Variants in ADCYAP1 observed in about 807,000 individuals in gnomAD.
The protein encoded by ADCYAP1 is pituitary adenylate cyclase-activating polypeptide.
A neutral mutation model predicts 18.5 loss-of-function variants in ADCYAP1; 6 were observed. The ratio of observed to expected loss-of-function variants is 0.32; its 90% confidence interval spans 0.18 to 0.64. The LOEUF (loss-of-function observed/expected upper bound fraction) is 0.64. Ranked by LOEUF, ADCYAP1 falls within the 30% of genes least tolerant of loss-of-function variation. ADCYAP1 has a pLI of 0.77. For synonymous variants in ADCYAP1, 136 were observed against 113.9 expected (o/e 1.19, Z -1.24); for missense variants, 314 against 253.6 (o/e 1.24, Z -1.62).
rs1909390534 is a variant in ADCYAP1, at chr18:911,583, A to G, written c.*1948A>G. 2 of 152,216 alleles carry G rather than the reference A, an allele frequency of 1.3e-5. No individual in the cohort carries two copies. The highest frequency in any genetic ancestry group is 2.9e-5 in the Non-Finnish European group (2 of 68,048). The allele number at this position is 152,216 out of a possible 1,614,324, so 9.4% of individuals were successfully genotyped here. On this transcript the variant is annotated 3_prime_UTR_variant, in exon 5 of 5. Transcript: ENST00000450565. The stretch of plus-strand genomic sequence containing the variant: ...GCTGCCAGGAGATCACATTGCAAAT[A>G]GTGAAAACAGAGGCATTCGGTCTAT...
Position 911,374 on chromosome 18 carries a change from T to C in ADCYAP1, c.*1739T>C, listed in dbSNP as rs1909380720. 3.5e-5 allele frequency: 1 copy of C among 28,492 alleles called. No individual in the cohort carries two copies. Among genetic ancestry groups the C allele is most frequent in the Admixed American group, 5.6e-4 (1 of 1,800 alleles). The allele number at this position is 28,492 out of a possible 1,614,324, so 1.8% of individuals were successfully genotyped here. A position where few individuals can be genotyped will look rare whatever the true frequency, so the allele number is the denominator to read the frequency against. On this transcript the variant is annotated 3_prime_UTR_variant, in exon 5 of 5. Transcript: ENST00000450565. ...TCCCAAATTTCAGGCACAAGTTTAT[T>C]TATTTATTTTTTTATGTTTTGAAAA...
Position 909,621 on chromosome 18 carries a change from A to G in ADCYAP1, c.517A>G (p.Ile173Val). ...AAGGGTTAAAAACAAAGGACGCCGA[A>G]TAGCTTATTTGTAGCGATGGGTTAC... is the stretch of plus-strand genomic sequence containing the variant. ...KQRVKNKGRR[I>V]AYL Residue 173 changes from isoleucine (I) to valine (V), a missense_variant, in exon 5 of 5, where the codon ATA becomes GTA. Transcript: ENST00000450565. 1.9e-6 allele frequency: 3 copies of G among 1,613,794 alleles called. No homozygotes were observed. The highest frequency in any genetic ancestry group is 1.7e-6 in the Non-Finnish European group (2 of 1,179,794).
In ADCYAP1 at chr18:904,908, C is replaced by T; in HGVS notation, c.-154C>T. 1.6e-6 allele frequency: 2 copies of T among 1,289,628 alleles called. No homozygotes were observed. The highest frequency in any genetic ancestry group is 2.0e-6 in the Non-Finnish European group (2 of 988,978). The allele number at this position is 1,289,628 out of a possible 1,614,324, so 79.9% of individuals were successfully genotyped here. ...TCGGCAAACGAGTCCCGCAGCTCCT[C>T]CTGCTGCTCCCGCTGGTTCCTGCGG... is the stretch of plus-strand genomic sequence containing the variant. On this transcript the variant is annotated 5_prime_UTR_variant, in exon 1 of 5. Transcript: ENST00000450565.
At position 908,297 on chromosome 18, in the gene ADCYAP1, A is replaced by G; in HGVS notation, c.275A>G (p.Tyr92Cys). Residue 92 changes from tyrosine (Y) to cysteine (C), a missense_variant, in exon 4 of 5, where the codon TAC becomes TGC. Transcript: ENST00000450565. ...GCCCACGGGATCCTTAACGAGGCCT[A>G]CCGCAAAGTGCTGGACCAGCTGTCC... ...DVAHGILNEAYRKVLDQLSAG... is the reference protein window; with the variant it reads ...DVAHGILNEACRKVLDQLSAG... The G allele has an allele frequency of 1.9e-6, 3 of 1,613,042 alleles. No individual in the cohort carries two copies. Among genetic ancestry groups the G allele is most frequent in the Admixed American group, 1.7e-5 (1 of 59,954 alleles).
intron 2 of ADCYAP1, among the ~76,000 whole-genome samples, chr18:907,190 T>C (rs1909199249): frequency 6.6e-6 from 1 of 152,184 alleles, no homozygotes; most frequent in East Asian, 1.9e-4. Flanking sequence ...GCTGAGGAGT[T>C]GGCCCCCGCA....
chr18:909,414 C>T (rs1436470671), intron 4 of ADCYAP1, 32 bp from the exon 5 acceptor site: 5 of 1,594,720 alleles, frequency 3.1e-6, no homozygotes, highest in Non-Finnish European at 4.3e-6. Context: ...TCTCCCGCCC[C>T]GCCACCCTCT....
At position 909,903 on chromosome 18, in the gene ADCYAP1, TATA is replaced by T. The variant is rs1183431310; in HGVS notation, c.*270_*272del. 1.2e-4 allele frequency: 14 copies of T among 118,170 alleles called. No homozygotes were observed. Among genetic ancestry groups the T allele is most frequent in the South Asian group, 1.1e-3 (4 of 3,658 alleles). 7.3% of individuals were successfully genotyped at this position (118,170 alleles called of 1,614,324 possible). A position where few individuals can be genotyped will look rare whatever the true frequency, so the allele number is the denominator to read the frequency against. ...ATATATATATATATATATATATATA[TATA>T]AAGTATAGAGAGAAGTTCATACAAA... On this transcript the variant is annotated 3_prime_UTR_variant, in exon 5 of 5. Transcript: ENST00000450565.
chr18:905,895 C>T (rs907540930), intron 2 of ADCYAP1: 1 of 232,968 alleles, frequency 4.3e-6, no homozygotes, highest in African/African-American at 2.3e-5. Context: ...GCGTGAAGCT[C>T]CCTCGGACTT....
At chr18:909,354 C>A in intron 4 of ADCYAP1, 92 bp from the exon 5 acceptor site, 2 of 1,310,202 alleles carry the variant, frequency 1.5e-6, no homozygotes, top group Non-Finnish European at 2.1e-6. Context: ...TCCCCGAAGG[C>A]TCCCGCGTGG....
At position 909,873 on chromosome 18, in the gene ADCYAP1, A is replaced by AATATATATATATAT. The variant is rs35018620; in HGVS notation, c.*258_*271dup. 15 of 143,420 alleles carry AATATATATATATAT rather than the reference A, an allele frequency of 1.0e-4. No homozygotes were observed. Among genetic ancestry groups the AATATATATATATAT allele is most frequent in the South Asian group, 6.8e-4 (3 of 4,390 alleles). 8.9% of individuals were successfully genotyped at this position (143,420 alleles called of 1,614,324 possible). A position where few individuals can be genotyped will look rare whatever the true frequency, so the allele number is the denominator to read the frequency against. On this transcript the variant is annotated 3_prime_UTR_variant, in exon 5 of 5. Coordinates refer to ENST00000450565, the MANE Select transcript of ADCYAP1 (RefSeq NM_001099733.2). Reference sequence around the variant, plus strand: ...ATATATATTATAAATATATATAAAGAATATATATATATATATATATATATA... The same window carrying AATATATATATATAT: ...ATATATATTATAAATATATATAAAGAATATATATATATATATATATATATATATATATATATATA...
Position 907,567 on chromosome 18 carries a change from T to C in ADCYAP1, c.111-92T>C, listed in dbSNP as rs376078360. 15 of 1,369,478 alleles carry C rather than the reference T, an allele frequency of 1.1e-5. No homozygotes were observed. The East Asian group carries it at 1.4e-4, about 13-fold the overall frequency. 84.8% of individuals were successfully genotyped at this position (1,369,478 alleles called of 1,614,324 possible). A position where few individuals can be genotyped will look rare whatever the true frequency, so the allele number is the denominator to read the frequency against. On this transcript the variant is annotated intron_variant, in intron 2 of 4. Transcript: ENST00000450565. ...CTCAGCGGAGGACTTTTATCACCTG[T>C]GAAAATCCGCGCGAGCCCCTTACTT... is the stretch of plus-strand genomic sequence containing the variant.
intron 4 of ADCYAP1, 121 bp downstream of exon 4, chr18:908,484 G>C: frequency 1.4e-6 from 1 of 705,066 alleles, no homozygotes; most frequent in African/African-American, 1.9e-5. Flanking sequence ...CTGGGTCTGG[G>C]GTGGGCATCC....
chr18:907,749 G>A lies in ADCYAP1; in HGVS notation c.201G>A (p.Ala67=). The stretch of plus-strand genomic sequence containing the variant: ...CGGGCGCAGGGAGCCCCGCCTCCGC[G>A]CCGCGCGCCGCCGCCGCCTGGTACC... The part of the protein sequence containing the change: ...EPPGAGSPAS[A]PRAAAAWYRP... The change falls in exon 3 of 5, where the codon GCG becomes GCA. Residue 67 remains alanine (A), a synonymous_variant. Coordinates refer to ENST00000450565, the MANE Select transcript of ADCYAP1 (RefSeq NM_001099733.2). The A allele has an allele frequency of 6.6e-7, 1 of 1,504,450 alleles. No individual in the cohort carries two copies. Among genetic ancestry groups the A allele is most frequent in the South Asian group, 1.2e-5 (1 of 80,076 alleles). 93.2% of individuals were successfully genotyped at this position (1,504,450 alleles called of 1,614,324 possible). A position where few individuals can be genotyped will look rare whatever the true frequency, so the allele number is the denominator to read the frequency against.
Position 905,793 on chromosome 18 carries a change from G to T in ADCYAP1, c.110+297G>T, listed in dbSNP as rs574948667. The T allele has an allele frequency of 6.2e-6, 3 of 482,248 alleles. No homozygotes were observed. In the Admixed American group the frequency reaches 1.1e-4, roughly 17 times the overall value. The allele number at this position is 482,248 out of a possible 1,614,324, so 29.9% of individuals were successfully genotyped here. A position where few individuals can be genotyped will look rare whatever the true frequency, so the allele number is the denominator to read the frequency against. On this transcript the variant is annotated intron_variant, in intron 2 of 4. Coordinates refer to ENST00000450565, the MANE Select transcript of ADCYAP1 (RefSeq NM_001099733.2). ...CCTCCCCCAACCCGGCCCACAGGAT[G>T]GGGGCAGGGCACGGCCCCTAGCTTG...
chr18:905,198 A>T, intron 1 of ADCYAP1, 138 bp downstream of exon 1: 1 of 1,426,158 alleles, frequency 7.0e-7, no homozygotes, highest in Non-Finnish European at 9.1e-7. Context: ...GCATATATAT[A>T]TATTTTTTTC....
chr18:904,824 C>A (rs1050987392), upstream of ADCYAP1: 7 of 1,286,152 alleles, frequency 5.4e-6, no homozygotes, highest in African/African-American at 1.1e-4. Flanking sequence ...CCCCTTCTCT[C>A]CGTGTCACGC....
chr18:904,559 C>T (rs1381805498), upstream of ADCYAP1: 2 of 1,288,960 alleles, frequency 1.6e-6, no homozygotes, highest in Non-Finnish European at 2.0e-6. Flanking sequence ...GCAGCAGAAG[C>T]CGCAGCTTCA....
Position 905,458 on chromosome 18 carries a change from C to T in ADCYAP1, c.72C>T (p.Ser24=), listed in dbSNP as rs1274435877. ...YGIIMHSSVY[S]SPAAAGLRFP... ...TAATCATGCACAGCAGCGTCTACAGCTCACCTGCCGCCGCCGGACTCCGGT... is the reference window on the plus strand; with the variant it reads ...TAATCATGCACAGCAGCGTCTACAGTTCACCTGCCGCCGCCGGACTCCGGT... Residue 24 remains serine (S), a synonymous_variant, in exon 2 of 5, where the codon AGC becomes AGT. Coordinates refer to ENST00000450565, the MANE Select transcript of ADCYAP1 (RefSeq NM_001099733.2). 2.5e-6 allele frequency: 4 copies of T among 1,610,942 alleles called. No homozygotes were observed. The highest frequency in any genetic ancestry group is 1.3e-5 in the African/African-American group (1 of 74,956).
intron 2 of ADCYAP1, 182 bp from the exon 3 acceptor site, chr18:907,477 G>C: frequency 1.7e-6 from 1 of 600,978 alleles, no homozygotes. Context: ...GGGTAGGAGT[G>C]GTTGGGTGTC....
Sources: gnomAD v4.1 joint callset for allele counts (sites outside exome capture counted in the v4.1 genomes callset) on GRCh38, gnomAD v4.1.1 for gene constraint, MANE v1.5 for transcripts, NCBI Gene and HGNC (gene_info 2026-07-23, HGNC 2026-07-21) for gene names.